Variants in NKAIN2 observed in about 807,000 individuals in gnomAD.
The protein encoded by NKAIN2 is sodium/potassium-transporting ATPase subunit beta-1-interacting protein 2.
In NKAIN2, 14 loss-of-function variants were observed where a neutral mutation model predicts 32.6. The ratio of observed to expected loss-of-function variants is 0.43; its 90% CI spans 0.28 to 0.67. NKAIN2 has a LOEUF of 0.67. Ranked by LOEUF, NKAIN2 falls within the 30% of genes least tolerant of loss-of-function variation. The pLI is 0.17. For synonymous variants in NKAIN2, 80 were observed against 87.2 expected (o/e 0.92, Z 0.46); for missense variants, 198 against 258.3 (o/e 0.77, Z 1.60).
At chr6:124,650,703 C>T (rs1025338646) in intron 3 of NKAIN2, among the ~76,000 whole-genome samples, 6 of 152,158 alleles carry the variant, frequency 3.9e-5, no homozygotes, top group African/African-American at 9.7e-5. Context: ...TCTTGTTATG[C>T]CCCACCTCCC....
chr6:124,466,467 G>T (rs62437480), intron 3 of NKAIN2, among the ~76,000 whole-genome samples: 3 of 152,014 alleles, frequency 2.0e-5, no homozygotes, highest in Admixed American at 2.0e-4. Context: ...ATTGGGACAG[G>T]TTAATCTTCT....
chr6:124,548,749 A>G (rs902537393), intron 3 of NKAIN2, among the ~76,000 whole-genome samples: 2 of 152,232 alleles, frequency 1.3e-5, no homozygotes, highest in Non-Finnish European at 2.9e-5. Context: ...GAGATGGGGA[A>G]GGAGCACACA....
intron 3 of NKAIN2, among the ~76,000 whole-genome samples, chr6:124,560,805 T>C (rs1028178589): frequency 3.3e-5 from 5 of 152,254 alleles, no homozygotes; most frequent in African/African-American, 1.2e-4. Context: ...ACTTTAAATA[T>C]TATTTTTTGT....
chr6:124,119,898 C>G (rs1008723515), intron 1 of NKAIN2, among the ~76,000 whole-genome samples: 1 of 152,072 alleles, frequency 6.6e-6, no homozygotes, highest in Admixed American at 6.6e-5. Context: ...CCTTCTTGGT[C>G]CCATGTATAT....
At chr6:124,746,015 T>C (rs538898813) in intron 4 of NKAIN2, among the ~76,000 whole-genome samples, 117 of 151,980 alleles carry the variant, frequency 7.7e-4, no homozygotes, top group African/African-American at 2.7e-3. Context: ...GTATCAGATA[T>C]TGTAACTCAT....
rs111634113 is a variant in NKAIN2, at chr6:124,511,479, T to C, written c.274-146707T>C. On this transcript the variant is annotated intron_variant, in intron 3 of 6. Transcript: ENST00000368417. Reference sequence around the variant, plus strand: ...AGGCAATTAAAAATAGAAAAAATTATTCCCTTTATCGAGTTTGTCTTCAGT... The same window carrying C: ...AGGCAATTAAAAATAGAAAAAATTACTCCCTTTATCGAGTTTGTCTTCAGT... Among the ~76,000 whole-genome samples the C allele has an allele frequency of 1.9e-3, 295 of 152,242 alleles. 1 individual carries two copies. The highest frequency in any genetic ancestry group is 6.9e-3 in the African/African-American group (288 of 41,550).
intron 3 of NKAIN2, among the ~76,000 whole-genome samples, chr6:124,635,038 G>C (rs528518648): frequency 5.7e-4 from 84 of 148,246 alleles, no homozygotes; most frequent in Non-Finnish European, 9.9e-4. Context: ...AGGAAGAAGA[G>C]GAAGGAAGGA....
In NKAIN2 at chr6:124,138,661, A is replaced by G. The variant is rs920515184; in HGVS notation, c.55-144344A>G. On this transcript the variant is annotated intron_variant, in intron 1 of 6. Coordinates refer to ENST00000368417, the MANE Select transcript of NKAIN2 (RefSeq NM_001040214.3). Reference sequence around the variant, plus strand: ...GATAATTATTATTAATAATTATGTTATATTATTAATTATGTTATATAAGTG... The same window carrying G: ...GATAATTATTATTAATAATTATGTTGTATTATTAATTATGTTATATAAGTG... Among the ~76,000 whole-genome samples the G allele has an allele frequency of 4.2e-4, 30 of 71,156 alleles. 1 individual carries two copies. Among genetic ancestry groups the G allele is most frequent in the Admixed American group, 3.7e-3 (28 of 7,588 alleles). The allele number at this position is 71,156 out of a possible 152,430, so 46.7% of individuals were successfully genotyped here.
chr6:124,336,641 C>A (rs2115066812), intron 2 of NKAIN2, among the ~76,000 whole-genome samples: 1 of 150,628 alleles, frequency 6.6e-6, no homozygotes, highest in South Asian at 2.1e-4. Context: ...TATGTGTAGC[C>A]AAAAGTACTT....
intron 4 of NKAIN2, among the ~76,000 whole-genome samples, chr6:124,791,076 T>C (rs747236929): frequency 1.3e-4 from 20 of 152,270 alleles, no homozygotes; most frequent in Middle Eastern, 3.4e-3. Context: ...TTGAAAATAA[T>C]TTGTTTTAGA....
intron 1 of NKAIN2, among the ~76,000 whole-genome samples, chr6:124,263,702 ATGTT>A (rs377493781): frequency 1.6e-4 from 18 of 110,422 alleles, no homozygotes; most frequent in African/African-American, 7.5e-4. Flanking sequence ...GCTACTATAA[ATGTT>A]TGTTTGTTTG....
chr6:124,495,934 G>A (rs756326030), intron 3 of NKAIN2, among the ~76,000 whole-genome samples: 7 of 152,220 alleles, frequency 4.6e-5, no homozygotes, highest in South Asian at 4.1e-4. Context: ...GAGTTGGCAC[G>A]ATGTACATAA....
intron 4 of NKAIN2, among the ~76,000 whole-genome samples, chr6:124,748,130 C>A (rs973887923): frequency 6.6e-6 from 1 of 151,944 alleles, no homozygotes; most frequent in Admixed American, 6.6e-5. Flanking sequence ...TAACTCTGTA[C>A]AAGTATCGTT....
chr6:124,221,546 TAAAGTA>T (rs1468716446), intron 1 of NKAIN2, among the ~76,000 whole-genome samples: 3 of 151,654 alleles, frequency 2.0e-5, no homozygotes, highest in Non-Finnish European at 4.4e-5. Flanking sequence ...CCCTAAAACT[TAAAGTA>T]TAATAATAAG....
chr6:123,936,989 C>A (rs1776541015), intron 1 of NKAIN2, among the ~76,000 whole-genome samples: 2 of 151,970 alleles, frequency 1.3e-5, no homozygotes, highest in African/African-American at 4.8e-5. Context: ...CTGTTAAGTT[C>A]TAGAGAAAAA....
chr6:123,978,545 A>G (rs570151296), intron 1 of NKAIN2, among the ~76,000 whole-genome samples: 31 of 152,324 alleles, frequency 2.0e-4, no homozygotes, highest in East Asian at 1.9e-3. Flanking sequence ...GAAATGTACA[A>G]CTACTCTTTC....
chr6:124,660,418 G>A (rs942685158), intron 4 of NKAIN2, among the ~76,000 whole-genome samples: 3 of 152,104 alleles, frequency 2.0e-5, no homozygotes, highest in African/African-American at 4.8e-5. Context: ...TGGACGTGGG[G>A]GCATATGTTG....
chr6:124,573,966 G>A (rs1269883684), intron 3 of NKAIN2, among the ~76,000 whole-genome samples: 2 of 152,174 alleles, frequency 1.3e-5, no homozygotes, highest in Non-Finnish European at 2.9e-5. Context: ...TGCACTTAAA[G>A]CTACAAAAGG....
At chr6:124,792,409 A>G (rs1779787381) in intron 5 of NKAIN2, among the ~76,000 whole-genome samples, 1 of 152,148 alleles carries the variant, frequency 6.6e-6, no homozygotes, top group Non-Finnish European at 1.5e-5. Flanking sequence ...AATCAGAAGT[A>G]TACAGTATAT....
Sources: gnomAD v4.1 joint callset for allele counts (sites outside exome capture counted in the v4.1 genomes callset) on GRCh38, gnomAD v4.1.1 for gene constraint, MANE v1.5 for transcripts, NCBI Gene and HGNC (gene_info 2026-07-23, HGNC 2026-07-21) for gene names.